Variants in CNTN4 observed in about 807,000 individuals in gnomAD.
CNTN4 encodes contactin 4.
CNTN4 carries 77 observed loss-of-function variants against 122.5 expected under a neutral mutation model. The observed-to-expected ratio is 0.63, with a 90% confidence interval of 0.52 to 0.76. The LOEUF (loss-of-function observed/expected upper bound fraction) is 0.76. Among genes scored for constraint, CNTN4 ranks in the 30% least tolerant of loss-of-function variants. CNTN4 has a pLI of 0.00. For missense variants in CNTN4, 1,256 were observed against 1,259.1 expected (o/e 1.00, Z 0.04); for synonymous variants, 512 against 447.0 (o/e 1.15, Z -1.83).
intron 4 of CNTN4, among the ~76,000 whole-genome samples, chr3:2,590,986 C>G (rs959308273): frequency 6.6e-6 from 1 of 152,072 alleles, no homozygotes; most frequent in Non-Finnish European, 1.5e-5. Flanking sequence ...CATCAATATT[C>G]GAAATAATGC....
At chr3:2,533,267 A>G (rs984694290) in intron 3 of CNTN4, among the ~76,000 whole-genome samples, 2 of 151,656 alleles carry the variant, frequency 1.3e-5, no homozygotes, top group African/African-American at 4.8e-5. Context: ...TATATCTCCT[A>G]ATGCTTTCCC....
intron 2 of CNTN4, among the ~76,000 whole-genome samples, chr3:2,224,994 A>G (rs2039216419): frequency 6.6e-6 from 1 of 150,754 alleles, no homozygotes; most frequent in Non-Finnish European, 1.5e-5. Flanking sequence ...ACTAAAAAAT[A>G]CAAAAATTAG....
chr3:2,366,684 AC>A (rs2045392530), intron 3 of CNTN4, among the ~76,000 whole-genome samples: 1 of 151,788 alleles, frequency 6.6e-6, no homozygotes, highest in Non-Finnish European at 1.5e-5. Context: ...CCGAGATTGC[AC>A]CACTGCGCTC....
intron 4 of CNTN4, among the ~76,000 whole-genome samples, chr3:2,690,573 A>C (rs1362389049): frequency 6.6e-6 from 1 of 152,054 alleles, no homozygotes; most frequent in Non-Finnish European, 1.5e-5. Context: ...CCTTAACAAT[A>C]TCCTCTTTAT....
chr3:2,919,753 T>A (rs1471295054), intron 12 of CNTN4, among the ~76,000 whole-genome samples: 4 of 152,216 alleles, frequency 2.6e-5, no homozygotes, highest in African/African-American at 9.6e-5. Flanking sequence ...GTGTTTAAAA[T>A]GCAGACTGTC....
intron 3 of CNTN4, among the ~76,000 whole-genome samples, chr3:2,498,226 T>C (rs1454828372): frequency 5.3e-5 from 8 of 152,216 alleles, no homozygotes; most frequent in African/African-American, 7.2e-5. Context: ...TGAATACTTA[T>C]GGAGTAAATA....
intron 2 of CNTN4, among the ~76,000 whole-genome samples, chr3:2,283,089 A>G (rs1267590284): frequency 6.6e-6 from 1 of 152,146 alleles, no homozygotes; most frequent in African/African-American, 2.4e-5. Context: ...TGTGAAATAT[A>G]CTAAAAACCA....
intron 3 of CNTN4, among the ~76,000 whole-genome samples, chr3:2,497,510 C>T (rs2076484085): frequency 6.6e-6 from 1 of 152,162 alleles, no homozygotes; most frequent in Admixed American, 6.5e-5. Flanking sequence ...TCATGAGTGG[C>T]AACCTAGGGA....
At chr3:2,387,709 G>A (rs1463620436) in intron 3 of CNTN4, among the ~76,000 whole-genome samples, 1 of 152,072 alleles carries the variant, frequency 6.6e-6, no homozygotes, top group Non-Finnish European at 1.5e-5. Context: ...TTTCAAAGCA[G>A]GTTTTCTTGT....
intron 3 of CNTN4, among the ~76,000 whole-genome samples, chr3:2,397,952 A>G (rs1010865332): frequency 2.0e-5 from 3 of 152,162 alleles, no homozygotes; most frequent in Non-Finnish European, 4.4e-5. Flanking sequence ...TGAAGAGTGT[A>G]TTCATTCTAT....
chr3:2,640,982 A>G (rs1371689197), intron 4 of CNTN4, among the ~76,000 whole-genome samples: 1 of 152,154 alleles, frequency 6.6e-6, no homozygotes, highest in East Asian at 1.9e-4. Flanking sequence ...CAGGAAGAGA[A>G]AAAAATTGGA....
At chr3:2,221,932 C>T (rs2039076904) in intron 2 of CNTN4, among the ~76,000 whole-genome samples, 1 of 152,068 alleles carries the variant, frequency 6.6e-6, no homozygotes, top group Non-Finnish European at 1.5e-5. Flanking sequence ...GAAATTGAAA[C>T]CCTCATACAC....
intron 3 of CNTN4, among the ~76,000 whole-genome samples, chr3:2,438,141 G>A (rs965133590): frequency 1.3e-5 from 2 of 152,112 alleles, no homozygotes; most frequent in African/African-American, 4.8e-5. Flanking sequence ...TTAACAGTTT[G>A]TTCCCTTTCG....
chr3:2,692,117 T>A lies in CNTN4; in HGVS notation c.56-44098T>A, dbSNP rs369026274. ...AGATTCTTAAACTTAAGTGGCACAC[T>A]TGGACCCATGAGAAGTATTAAGTTT... On this transcript the variant is annotated intron_variant, in intron 4 of 24. Transcript: ENST00000418658. Among the ~76,000 whole-genome samples, 15 of 152,286 alleles carry A rather than the reference T, an allele frequency of 9.8e-5. No individual in the cohort carries two copies. In the East Asian group the frequency reaches 1.9e-3, roughly 20 times the overall value.
intron 4 of CNTN4, among the ~76,000 whole-genome samples, chr3:2,680,498 AAC>A (rs1463998690): frequency 6.6e-6 from 1 of 152,206 alleles, no homozygotes; most frequent in East Asian, 1.9e-4. Flanking sequence ...CTTTTGGCAA[AAC>A]ACGTTAGAAG....
intron 3 of CNTN4, among the ~76,000 whole-genome samples, chr3:2,430,615 C>CTAA (rs2048032187): frequency 3.9e-5 from 1 of 25,450 alleles, no homozygotes; most frequent in Admixed American, 5.1e-4. Context: ...GAGCAAATTA[C>CTAA]CAAAAAAAAA....
intron 7 of CNTN4, among the ~76,000 whole-genome samples, chr3:2,860,987 T>C (rs2093665345): frequency 6.6e-6 from 1 of 152,174 alleles, no homozygotes; most frequent in Non-Finnish European, 1.5e-5. Context: ...CATTTTTTTT[T>C]CGCAAAGGTC....
intron 7 of CNTN4, among the ~76,000 whole-genome samples, chr3:2,864,974 G>C (rs2093708799): frequency 6.6e-6 from 1 of 151,988 alleles, no homozygotes; most frequent in Non-Finnish European, 1.5e-5. Context: ...CTCACCTGTT[G>C]AGTATGTAAG....
chr3:2,769,758 G>A (rs113576491), intron 6 of CNTN4, among the ~76,000 whole-genome samples: 1 of 152,130 alleles, frequency 6.6e-6, no homozygotes, highest in African/African-American at 2.4e-5. Context: ...TGATAGAATG[G>A]GTGGCAAGTA....
Sources: allele counts gnomAD v4.1 joint callset (sites outside exome capture counted in the v4.1 genomes callset), GRCh38; gene constraint gnomAD v4.1.1; transcripts MANE v1.5; gene names NCBI Gene and HGNC (gene_info 2026-07-23, HGNC 2026-07-21).